The following SMAP2 variants were observed in gnomAD, a reference collection of about 807,000 sequenced individuals.
SMAP2 encodes the protein small ArfGAP2.
In SMAP2, 25 loss-of-function variants were observed where a neutral mutation model predicts 56.4. That is an observed-to-expected ratio of 0.44 (90% CI 0.32 to 0.62). The LOEUF (loss-of-function observed/expected upper bound fraction) is 0.62, where lower values mean the gene tolerates loss of function less well. Among genes scored for constraint, SMAP2 ranks in the 20% least tolerant of loss-of-function variants. SMAP2 has a pLI of 0.04. For missense variants in SMAP2, 388 were observed against 545.6 expected (o/e 0.71, Z 2.88); for synonymous variants, 157 against 181.7 (o/e 0.86, Z 1.09).
intron 1 of SMAP2, among the ~76,000 whole-genome samples, chr1:40,398,009 T>TAAA (rs1425841933): frequency 1.3e-5 from 2 of 152,154 alleles, no homozygotes; most frequent in Non-Finnish European, 2.9e-5. Flanking sequence ...AGTTTCAACT[T>TAAA]ACCCTGCAGC....
intron 1 of SMAP2, chr1:40,393,371 G>A (rs1020022935): frequency 6.5e-7 from 1 of 1,535,204 alleles, no homozygotes; most frequent in African/African-American, 1.4e-5. Flanking sequence ...AGCAGGAGAG[G>A]CAGCAGAGCG....
rs1557457598 is a variant in SMAP2 at position 40,409,747 on chromosome 1, C to CT, written c.324-5dup. On this transcript the variant is annotated splice_polypyrimidine_tract_variant and intron_variant, in intron 3 of 9. Transcript: ENST00000372718. ...GCTTGTTGGATTCATCCTTAATAAG[C>CT]TTTTTGCAGAGCTGTTGAAGGATTT... The CT allele has an allele frequency of 6.3e-7, 1 of 1,598,840 alleles. No individual in the cohort carries two copies. Among genetic ancestry groups the CT allele is most frequent in the South Asian group, 1.1e-5 (1 of 90,708 alleles).
At chr1:40,410,634 G>A (rs1644926067) in intron 4 of SMAP2, among the ~76,000 whole-genome samples, 2 of 152,110 alleles carry the variant, frequency 1.3e-5, no homozygotes, top group South Asian at 4.1e-4. Context: ...TTGTTTCTGA[G>A]AAGGGTTTCA....
chr1:40,368,257 C>T (rs1387470196), intron 2 of SMAP2, among the ~76,000 whole-genome samples: 3 of 141,676 alleles, frequency 2.1e-5, no homozygotes, highest in East Asian at 2.1e-4. Context: ...GATTCACAGC[C>T]GAATTCTACC....
chr1:40,421,857 G>A, intron 9 of SMAP2, 119 bp from the exon 10 acceptor site: 1 of 1,168,290 alleles, frequency 8.6e-7, no homozygotes, highest in Non-Finnish European at 1.2e-6. Flanking sequence ...GTCCATAACA[G>A]AGTTTCCCTT....
intron 1 of SMAP2, among the ~76,000 whole-genome samples, chr1:40,402,541 C>T (rs1644845872): frequency 1.3e-5 from 2 of 150,288 alleles, no homozygotes; most frequent in African/African-American, 4.9e-5. Context: ...CCTCTGACTC[C>T]TGGATTCAAG....
At chr1:40,371,472 A>T (rs1251962460), upstream of SMAP2, among the ~76,000 whole-genome samples, 2 of 152,198 alleles carry the variant, frequency 1.3e-5, no homozygotes, top group African/African-American at 2.4e-5. Flanking sequence ...CACAATGCTT[A>T]TTTCTTGCTT....
intron 6 of SMAP2, 88 bp downstream of exon 6, chr1:40,414,328 C>A (rs1467805910): frequency 8.2e-7 from 1 of 1,216,326 alleles, no homozygotes; most frequent in East Asian, 2.4e-5. Context: ...ATGGGGTTCT[C>A]CAGTTTTGTC....
intron 1 of SMAP2, among the ~76,000 whole-genome samples, chr1:40,388,583 G>T (rs1644685100): frequency 6.6e-6 from 1 of 151,984 alleles, no homozygotes; most frequent in Admixed American, 6.5e-5. Context: ...TAGCTAATCT[G>T]GTGGGGATGT....
rs200385638 is a variant in SMAP2 at position 40,374,577 on chromosome 1, T to TTGCGTGCG, written c.103+369_103+376dup. The TTGCGTGCG allele has an allele frequency of 1.4e-5, 13 of 927,426 alleles. No homozygotes were observed. Among genetic ancestry groups the TTGCGTGCG allele is most frequent in the South Asian group, 4.5e-5 (3 of 66,810 alleles). 57.4% of individuals were successfully genotyped at this position (927,426 alleles called of 1,614,324 possible). A position where few individuals can be genotyped will look rare whatever the true frequency, so the allele number is the denominator to read the frequency against. Reference sequence around the variant, plus strand: ...CTTGCAAAGCTGGGGATGAACTGCATTGCGTGCGTGCGTGCGTGCGTGTGT... The same window carrying TTGCGTGCG: ...CTTGCAAAGCTGGGGATGAACTGCATTGCGTGCGTGCGTGCGTGCGTGCGTGCGTGTGT... On this transcript the variant is annotated intron_variant, in intron 1 of 9. Transcript: ENST00000372718. This position sits in a 1 kb window ranked among gnomAD's most constrained non-coding sequence, Gnocchi z 5.9.
chr1:40,396,293 C>A (rs936860476), intron 1 of SMAP2, among the ~76,000 whole-genome samples: 1 of 152,146 alleles, frequency 6.6e-6, no homozygotes, highest in African/African-American at 2.4e-5. Context: ...AAACCAACTA[C>A]CTTTTGAAAT....
intron 1 of SMAP2, among the ~76,000 whole-genome samples, chr1:40,348,171 T>TA (rs56772764): frequency 3.9e-5 from 6 of 152,096 alleles, no homozygotes; most frequent in African/African-American, 1.4e-4. Flanking sequence ...TAAAACATTT[T>TA]AAAAAATCCT....
chr1:40,415,570 T>C (rs1312529072), intron 7 of SMAP2, among the ~76,000 whole-genome samples, 189 bp downstream of exon 7: 1 of 152,172 alleles, frequency 6.6e-6, no homozygotes, highest in Non-Finnish European at 1.5e-5. Flanking sequence ...TTTTTTCTCC[T>C]GCTCAAAAAG....
At position 40,409,793 on chromosome 1, in the gene SMAP2, G is replaced by C; in HGVS notation, c.360G>C (p.Lys120Asn). 6.2e-7 allele frequency: 1 copy of C among 1,613,694 alleles called. No individual in the cohort carries two copies. Among genetic ancestry groups the C allele is most frequent in the Non-Finnish European group, 8.5e-7 (1 of 1,179,586 alleles). The change falls in exon 4 of 10, where the codon AAG (lysine) becomes AAC (asparagine). Residue 120 changes from lysine (K) to asparagine (N), a missense_variant. Physicochemically the swap from Lys to Asn is moderately conservative, Grantham distance 94. Transcript: ENST00000372718. ...GATTTATTCGAGACAAATATGAGAAGAAGAAATACATGGACCGAAGTCTGG... is the reference window on the plus strand; with the variant it reads ...GATTTATTCGAGACAAATATGAGAACAAGAAATACATGGACCGAAGTCTGG... Reference protein sequence around the residue: ...VEGFIRDKYEKKKYMDRSLDI... With the variant: ...VEGFIRDKYENKKYMDRSLDI...
chr1:40,365,112 C>A, intron 2 of SMAP2: 2 of 207,122 alleles, frequency 9.7e-6, no homozygotes, highest in East Asian at 1.1e-4. Flanking sequence ...TGTCATTACT[C>A]AAGAAAAATT....
chr1:40,387,973 G>A (rs1327604118), intron 1 of SMAP2, among the ~76,000 whole-genome samples: 1 of 152,164 alleles, frequency 6.6e-6, no homozygotes, highest in Admixed American at 6.5e-5. Flanking sequence ...CTGGCCCTGG[G>A]CAATGAGGGG....
intron 1 of SMAP2, among the ~76,000 whole-genome samples, chr1:40,345,560 C>T (rs1286782795): frequency 6.6e-6 from 1 of 151,924 alleles, no homozygotes; most frequent in Non-Finnish European, 1.5e-5. Context: ...CTCCTGGGCT[C>T]AAGCAATCCT....
At position 40,374,598 on chromosome 1, in the gene SMAP2, T is replaced by TGCGTGCGTGC. The variant is rs10645094; in HGVS notation, c.103+376_103+377insCGTGCGTGCG. The TGCGTGCGTGC allele has an allele frequency of 3.2e-5, 20 of 621,182 alleles. No homozygotes were observed. In the East Asian group the frequency reaches 3.6e-4, roughly 11 times the overall value. The allele number at this position is 621,182 out of a possible 1,614,324, so 38.5% of individuals were successfully genotyped here. ...TGCATTGCGTGCGTGCGTGCGTGCGTGTGTGTGTGTGTGTGTGTGTGTGTG... is the reference window on the plus strand; with the variant it reads ...TGCATTGCGTGCGTGCGTGCGTGCGTGCGTGCGTGCGTGTGTGTGTGTGTGTGTGTGTGTG... On this transcript the variant is annotated intron_variant, in intron 1 of 9. Coordinates refer to ENST00000372718, the MANE Select transcript of SMAP2 (RefSeq NM_022733.3). This position sits in a 1 kb window ranked among gnomAD's most constrained non-coding sequence, Gnocchi z 5.9.
At chr1:40,412,288 A>G (rs2124357413) in intron 4 of SMAP2, among the ~76,000 whole-genome samples, 1 of 152,214 alleles carries the variant, frequency 6.6e-6, no homozygotes, top group African/African-American at 2.4e-5. Context: ...AATTTGTACC[A>G]TTTTACTCTC....
Sources: allele counts gnomAD v4.1 joint callset (sites outside exome capture counted in the v4.1 genomes callset), GRCh38; gene constraint gnomAD v4.1.1; non-coding constraint Gnocchi (gnomAD v3.1); transcripts MANE v1.5; gene names NCBI Gene and HGNC (gene_info 2026-07-23, HGNC 2026-07-21).